RHBDD1: variants seen among roughly 807,000 people sequenced by gnomAD.
The protein encoded by RHBDD1 is rhomboid domain containing 1.
RHBDD1 carries 38 observed loss-of-function variants against 36.3 expected under a neutral mutation model. That is an observed-to-expected ratio of 1.05 (90% CI 0.81 to 1.37). The LOEUF (loss-of-function observed/expected upper bound fraction) is 1.37, where lower values mean the gene tolerates loss of function less well. Among genes scored for constraint, RHBDD1 ranks in the 40% most tolerant of loss-of-function variants. The probability of loss-of-function intolerance (pLI) is 0.00; values close to 1 mark genes in which losing one functional copy is unlikely to be tolerated. For missense variants in RHBDD1, 393 were observed against 377.6 expected (o/e 1.04, Z -0.34); for synonymous variants, 151 against 136.5 (o/e 1.11, Z -0.74).
At chr2:226,913,619 C>G (rs1948678994) in intron 7 of RHBDD1, among the ~76,000 whole-genome samples, 2 of 151,996 alleles carry the variant, frequency 1.3e-5, no homozygotes, top group African/African-American at 4.8e-5. Flanking sequence ...ATCTAGCAAC[C>G]ATTTTTTTTT....
intron 8 of RHBDD1, among the ~76,000 whole-genome samples, chr2:226,949,306 T>G (rs910474399): frequency 1.3e-5 from 2 of 152,196 alleles, no homozygotes; most frequent in Admixed American, 1.3e-4. Context: ...AGAGTCTGTA[T>G]AGCCAAGACA....
At chr2:226,959,954 C>T (rs1285350038) in intron 8 of RHBDD1, among the ~76,000 whole-genome samples, 1 of 152,154 alleles carries the variant, frequency 6.6e-6, no homozygotes, top group Non-Finnish European at 1.5e-5. Context: ...TCCCGAGTAG[C>T]TGGGACTACA....
At chr2:226,951,618 G>C (rs1386670389) in intron 8 of RHBDD1, among the ~76,000 whole-genome samples, 1 of 152,172 alleles carries the variant, frequency 6.6e-6, no homozygotes, top group Non-Finnish European at 1.5e-5. Context: ...GGAAAGGCCA[G>C]GGAATATGAA....
chr2:226,853,480 A>C (rs1049838647), intron 3 of RHBDD1, among the ~76,000 whole-genome samples: 1 of 152,210 alleles, frequency 6.6e-6, no homozygotes, highest in Non-Finnish European at 1.5e-5. Flanking sequence ...GGGGTCTCGC[A>C]AGGGTCACAG....
chr2:226,981,626 G>T (rs141434772), intron 8 of RHBDD1, among the ~76,000 whole-genome samples: 4 of 152,084 alleles, frequency 2.6e-5, no homozygotes, highest in African/African-American at 9.6e-5. Flanking sequence ...TTGGGAGAGG[G>T]ATAATGAGTT....
intron 8 of RHBDD1, among the ~76,000 whole-genome samples, chr2:226,966,126 T>A (rs1000701469): frequency 6.6e-6 from 1 of 152,184 alleles, no homozygotes; most frequent in South Asian, 2.1e-4. Flanking sequence ...ATTGTCTCAA[T>A]AAATTGCTAG....
At chr2:226,982,884 C>T (rs2149455347) in intron 8 of RHBDD1, among the ~76,000 whole-genome samples, 1 of 152,314 alleles carries the variant, frequency 6.6e-6, no homozygotes, top group Non-Finnish European at 1.5e-5. Context: ...ACTCCAGTGT[C>T]ATCACAAATA....
chr2:226,921,159 G>A (rs1949280531), intron 8 of RHBDD1, among the ~76,000 whole-genome samples: 1 of 152,098 alleles, frequency 6.6e-6, no homozygotes, highest in African/African-American at 2.4e-5. Flanking sequence ...GTTGCTCATA[G>A]TAGCCTTTAA....
At chr2:226,910,175 G>A (rs1006293832) in intron 7 of RHBDD1, among the ~76,000 whole-genome samples, 4 of 152,084 alleles carry the variant, frequency 2.6e-5, no homozygotes, top group Admixed American at 1.3e-4. Flanking sequence ...TTTTGCACTC[G>A]ATTTATTTTC....
chr2:226,816,294 T>G, the RHBDD1 span, among the ~76,000 whole-genome samples: 3 of 146,118 alleles, frequency 2.1e-5, no homozygotes, highest in Admixed American at 2.1e-4. Context: ...CCCATCACCG[T>G]GCCCAGAAAC....
At chr2:226,864,412 A>G (rs1944139933) in intron 3 of RHBDD1, among the ~76,000 whole-genome samples, 192 bp from the exon 4 acceptor site, 1 of 152,180 alleles carries the variant, frequency 6.6e-6, no homozygotes, top group Admixed American at 6.5e-5. Context: ...TAACATTTCT[A>G]TTCTAGAATG....
At chr2:226,863,247 A>G (rs1290353093) in intron 3 of RHBDD1, among the ~76,000 whole-genome samples, 1 of 152,160 alleles carries the variant, frequency 6.6e-6, no homozygotes, top group Non-Finnish European at 1.5e-5. Flanking sequence ...GCTGAGGCAT[A>G]AGAATCATTT....
At chr2:226,914,108 T>C in intron 7 of RHBDD1, 100 bp from the exon 8 acceptor site, 2 of 1,033,292 alleles carry the variant, frequency 1.9e-6, no homozygotes. Flanking sequence ...ATACCTAAAA[T>C]AATGTTATGC....
rs902673925 is a variant in RHBDD1, at chr2:226,997,277, A to T, written c.*1755A>T. ...GTTTAAATTAAAATATTCAAGCTAA[A>T]TGTTACTGCTCTCTCCCAAATTCTG... On this transcript the variant is annotated 3_prime_UTR_variant, in exon 9 of 9. Transcript: ENST00000392062. The T allele has an allele frequency of 6.6e-6, 1 of 152,194 alleles. No individual in the cohort carries two copies. The highest frequency in any genetic ancestry group is 2.4e-5 in the African/African-American group (1 of 41,438). 9.4% of individuals were successfully genotyped at this position (152,194 alleles called of 1,614,324 possible).
intron 8 of RHBDD1, among the ~76,000 whole-genome samples, chr2:226,970,480 T>C: frequency 6.6e-6 from 1 of 152,152 alleles, no homozygotes; most frequent in Non-Finnish European, 1.5e-5. Flanking sequence ...TCCTGGTTTG[T>C]GTGTGAATTT....
At chr2:226,877,364 G>A (rs1945324373) in intron 5 of RHBDD1, among the ~76,000 whole-genome samples, 1 of 152,010 alleles carries the variant, frequency 6.6e-6, no homozygotes, top group African/African-American at 2.4e-5. Flanking sequence ...ATTTATTTAT[G>A]TCACCACCAA....
intron 8 of RHBDD1, among the ~76,000 whole-genome samples, chr2:226,930,469 A>G (rs750045133): frequency 2.6e-5 from 4 of 151,846 alleles, no homozygotes; most frequent in South Asian, 2.1e-4. Context: ...AACTATCCCT[A>G]TCTCTCACCA....
chr2:226,837,032 ATATTT>A (rs1941053229), intron 1 of RHBDD1, among the ~76,000 whole-genome samples: 1 of 152,218 alleles, frequency 6.6e-6, no homozygotes, highest in South Asian at 2.1e-4. Context: ...AATCAGAAAT[ATATTT>A]TAACAAGCCT....
intron 5 of RHBDD1, among the ~76,000 whole-genome samples, chr2:226,878,915 A>G (rs1204331934): frequency 6.6e-6 from 1 of 152,172 alleles, no homozygotes; most frequent in Non-Finnish European, 1.5e-5. Context: ...GGAGTGAAAG[A>G]GTCTTGGGGA....
Sources: gnomAD v4.1 joint callset for allele counts (sites outside exome capture counted in the v4.1 genomes callset) on GRCh38, gnomAD v4.1.1 for gene constraint, MANE v1.5 for transcripts, NCBI Gene and HGNC (gene_info 2026-07-23, HGNC 2026-07-21) for gene names.